EFEMP1: variants seen among roughly 807,000 people sequenced by gnomAD.
The protein encoded by EFEMP1 is EGF-like fibulin extracellular matrix protein 1, also known as EGF-containing fibulin-like extracellular matrix protein 1.
Under a neutral mutation model 65.7 loss-of-function variants are expected in EFEMP1, and 18 were observed. That is an observed-to-expected ratio of 0.27 (90% CI 0.19 to 0.41). The LOEUF is 0.41. EFEMP1 is among the 10% of genes least tolerant of loss of function. The pLI is 1.00. For synonymous variants in EFEMP1, 237 were observed against 219.7 expected (o/e 1.08, Z -0.70); for missense variants, 469 against 624.8 (o/e 0.75, Z 2.66).
At chr2:55,881,866 T>C in intron 5 of EFEMP1, 132 bp from the exon 6 acceptor site, 2 of 1,200,064 alleles carry the variant, frequency 1.7e-6, no homozygotes, top group South Asian at 1.3e-5. Flanking sequence ...TTGGAAATGT[T>C]TAAAATTATA....
chr2:55,875,335 TACACACACACACACACACAC>T (rs768780443), intron 8 of EFEMP1, among the ~76,000 whole-genome samples: 1 of 125,434 alleles, frequency 8.0e-6, no homozygotes, highest in African/African-American at 3.2e-5. Context: ...GTTTCATATA[TACACACACACACACACACAC>T]ACACACACAC....
chr2:55,921,904 A>G lies in EFEMP1; in HGVS notation c.81+456T>C, dbSNP rs1222731707. ...AGCCTTTATAAATTCAATAAAGGCCACTTACTTGAGAATGCATGTCATGTA... is the reference window on the plus strand; with the variant it reads ...AGCCTTTATAAATTCAATAAAGGCCGCTTACTTGAGAATGCATGTCATGTA... On this transcript the variant is annotated intron_variant, in intron 3 of 11. Coordinates refer to ENST00000355426, the MANE Select transcript of EFEMP1 (RefSeq NM_001039348.3). This position sits in a 1 kb window ranked among gnomAD's most constrained non-coding sequence, Gnocchi z 4.1. 1 of 190,628 alleles carries G rather than the reference A, an allele frequency of 5.2e-6. No individual in the cohort carries two copies. The highest frequency in any genetic ancestry group is 5.3e-5 in the Admixed American group (1 of 18,828). The allele number at this position is 190,628 out of a possible 1,614,324, so 11.8% of individuals were successfully genotyped here.
chr2:55,889,604 A>G (rs1669556626), intron 5 of EFEMP1, among the ~76,000 whole-genome samples: 1 of 152,204 alleles, frequency 6.6e-6, no homozygotes. Context: ...CTGACTGCCT[A>G]AAACAATAAT....
chr2:55,912,891 GTATGACACA>G (rs2104445045), intron 5 of EFEMP1, among the ~76,000 whole-genome samples: 1 of 152,146 alleles, frequency 6.6e-6, no homozygotes, highest in African/African-American at 2.4e-5. Flanking sequence ...CTTTCCCATG[GTATGACACA>G]TATGACACAT....
intron 5 of EFEMP1, among the ~76,000 whole-genome samples, chr2:55,900,807 C>T (rs1572828579): frequency 6.6e-6 from 1 of 152,114 alleles, no homozygotes; most frequent in Non-Finnish European, 1.5e-5. Flanking sequence ...CTACCTTTAT[C>T]GATTTTTAGT....
intron 5 of EFEMP1, among the ~76,000 whole-genome samples, chr2:55,887,076 C>T (rs1669448286): frequency 6.6e-6 from 1 of 152,072 alleles, no homozygotes; most frequent in Non-Finnish European, 1.5e-5. Context: ...GGCAGAATTA[C>T]AAAGCTTCTT....
intron 5 of EFEMP1, among the ~76,000 whole-genome samples, chr2:55,916,157 T>C (rs1670674350): frequency 6.7e-6 from 1 of 150,354 alleles, no homozygotes; most frequent in Non-Finnish European, 1.5e-5. Flanking sequence ...TTGCCCAGGC[T>C]GGAGTGCAGT....
chr2:55,897,650 A>G (rs1371753262), intron 5 of EFEMP1, among the ~76,000 whole-genome samples: 2 of 152,156 alleles, frequency 1.3e-5, no homozygotes, highest in Non-Finnish European at 2.9e-5. Context: ...TAAACCATCT[A>G]TTCTTATGTT....
intron 5 of EFEMP1, among the ~76,000 whole-genome samples, chr2:55,898,780 C>T (rs368398175): frequency 1.3e-5 from 2 of 152,054 alleles, no homozygotes; most frequent in African/African-American, 4.8e-5. Context: ...TGGAATTTTC[C>T]GATCTTGTTT....
intron 5 of EFEMP1, among the ~76,000 whole-genome samples, chr2:55,890,765 G>C (rs1572813374): frequency 6.6e-6 from 1 of 152,054 alleles, no homozygotes; most frequent in East Asian, 1.9e-4. Context: ...AAATATTACA[G>C]ATCAAAATTT....
At chr2:55,903,022 T>C (rs557784532) in intron 5 of EFEMP1, among the ~76,000 whole-genome samples, 7 of 152,334 alleles carry the variant, frequency 4.6e-5, no homozygotes, top group African/African-American at 1.7e-4. Flanking sequence ...AACTCTTAAT[T>C]TTAATAGCTG....
At chr2:55,881,531 A>G in intron 6 of EFEMP1, 81 bp downstream of exon 6, 3 of 1,571,614 alleles carry the variant, frequency 1.9e-6, no homozygotes, top group Non-Finnish European at 2.6e-6. Flanking sequence ...AAGAAACATG[A>G]ATGCTTTGAT....
At chr2:55,889,187 T>A (rs556281099) in intron 5 of EFEMP1, among the ~76,000 whole-genome samples, 2 of 152,368 alleles carry the variant, frequency 1.3e-5, no homozygotes, top group African/African-American at 2.4e-5. Flanking sequence ...CCCCTGACTA[T>A]GGCAGTGCCA....
At chr2:55,895,792 T>C (rs6761663) in intron 5 of EFEMP1, among the ~76,000 whole-genome samples, 70,156 of 150,920 alleles carry the variant, frequency 0.46, 16,814 homozygotes, top group East Asian at 0.69. Flanking sequence ...CCGCCCGCCT[T>C]GGCCTCCCAA....
At chr2:55,904,987 T>G (rs1242352753) in intron 5 of EFEMP1, among the ~76,000 whole-genome samples, 1 of 143,132 alleles carries the variant, frequency 7.0e-6, no homozygotes, top group African/African-American at 2.6e-5. Context: ...TTCTTTTTCT[T>G]TTTTTTTTTT....
chr2:55,873,846 C>T lies in EFEMP1; in HGVS notation c.1000+1100G>A, dbSNP rs1342874467. 6.6e-6 allele frequency among the ~76,000 whole-genome samples: 1 copy of T among 151,962 alleles called. No homozygotes were observed. Among genetic ancestry groups the T allele is most frequent in the Non-Finnish European group, 1.5e-5 (1 of 67,950 alleles). ...AATCATGATATAGACTGAGAATCCC[C>T]AGTGTCTCCTTTCCTTGATCTTTCT... On this transcript the variant is annotated intron_variant, in intron 9 of 11. Transcript: ENST00000355426. This position sits in a 1 kb window ranked among gnomAD's most constrained non-coding sequence, Gnocchi z 4.6.
intron 5 of EFEMP1, among the ~76,000 whole-genome samples, chr2:55,908,810 C>T (rs1670378293): frequency 6.6e-6 from 1 of 152,086 alleles, no homozygotes; most frequent in African/African-American, 2.4e-5. Flanking sequence ...AGTGTATTTT[C>T]ATTATTCACC....
intron 5 of EFEMP1, among the ~76,000 whole-genome samples, chr2:55,908,610 T>C (rs1468087879): frequency 1.3e-5 from 2 of 152,078 alleles, no homozygotes; most frequent in Non-Finnish European, 1.5e-5. Flanking sequence ...AAAAAACAAG[T>C]GAAGTAATGG....
rs1668567730 is a variant in EFEMP1 at position 55,866,169 on chromosome 2, GA to G, written c.*903del. 1 of 152,106 alleles carries G rather than the reference GA, an allele frequency of 6.6e-6. No individual in the cohort carries two copies. The highest frequency in any genetic ancestry group is 2.1e-4 in the South Asian group (1 of 4,828). The allele number at this position is 152,106 out of a possible 1,614,324, so 9.4% of individuals were successfully genotyped here. Reference sequence around the variant, plus strand: ...CTGTGAGCATCAAGTACGAAGATGAGAAATTTTAGTTATAAATTAGTGAAGT... The same window carrying G: ...CTGTGAGCATCAAGTACGAAGATGAGAATTTTAGTTATAAATTAGTGAAGT... On this transcript the variant is annotated 3_prime_UTR_variant, in exon 12 of 12. Coordinates refer to ENST00000355426, the MANE Select transcript of EFEMP1 (RefSeq NM_001039348.3).
Sources: allele counts gnomAD v4.1 joint callset (sites outside exome capture counted in the v4.1 genomes callset), GRCh38; gene constraint gnomAD v4.1.1; non-coding constraint Gnocchi (gnomAD v3.1); transcripts MANE v1.5; gene names NCBI Gene and HGNC (gene_info 2026-07-23, HGNC 2026-07-21).